The following MSI2 variants were observed in gnomAD, a reference collection of about 807,000 sequenced individuals.
MSI2 encodes the protein musashi RNA binding protein 2.
Under a neutral mutation model 45.6 loss-of-function variants are expected in MSI2, and 17 were observed. The ratio of observed to expected loss-of-function variants is 0.37; its 90% CI spans 0.26 to 0.56. The LOEUF is 0.56. MSI2 is among the 20% of genes least tolerant of loss of function. MSI2 has a pLI of 0.77. For synonymous variants in MSI2, 156 were observed against 158.2 expected (o/e 0.99, Z 0.11); for missense variants, 293 against 444.2 (o/e 0.66, Z 3.06).
At chr17:57,463,110 TATAG>T (rs1180890680) in intron 6 of MSI2, among the ~76,000 whole-genome samples, 6 of 152,148 alleles carry the variant, frequency 3.9e-5, no homozygotes, top group Non-Finnish European at 7.3e-5. Context: ...CTGGGAGGGA[TATAG>T]ATAGATACCT....
intron 3 of MSI2, 108 bp from the exon 4 acceptor site, chr17:57,258,162 C>CA (rs74555284): frequency 0.026 from 22,151 of 850,974 alleles, 554 homozygotes; most frequent in East Asian, 0.1. Context: ...GGTGGGGGTG[C>CA]GTGGGGGGCA....
chr17:57,262,115 C>T, intron 4 of MSI2, 36 bp from the exon 5 acceptor site: 1 of 1,611,434 alleles, frequency 6.2e-7, no homozygotes, highest in East Asian at 2.2e-5. Flanking sequence ...CCTTAAAGTA[C>T]TTTATTGACT....
At chr17:57,667,522 G>A (rs565926826) in intron 11 of MSI2, among the ~76,000 whole-genome samples, 1 of 152,292 alleles carries the variant, frequency 6.6e-6, no homozygotes, top group African/African-American at 2.4e-5. Context: ...CCAGGCAGGA[G>A]TGATATCCAG....
chr17:57,621,774 G>A (rs755224266), intron 9 of MSI2, among the ~76,000 whole-genome samples: 3 of 152,188 alleles, frequency 2.0e-5, no homozygotes, highest in African/African-American at 7.2e-5. Flanking sequence ...CTTTTACAGC[G>A]TTTGACAGAA....
chr17:57,273,418 T>C (rs1410972394), intron 5 of MSI2, among the ~76,000 whole-genome samples: 2 of 152,036 alleles, frequency 1.3e-5, no homozygotes, highest in East Asian at 3.9e-4. Flanking sequence ...CAGTACACGA[T>C]GTTCAGGTTA....
At chr17:57,551,526 G>T in intron 7 of MSI2, among the ~76,000 whole-genome samples, 1 of 152,164 alleles carries the variant, frequency 6.6e-6, no homozygotes, top group Non-Finnish European at 1.5e-5. Context: ...GAAATCAGGT[G>T]CCTGATGTGT....
At chr17:57,571,582 C>T (rs962136810) in intron 7 of MSI2, among the ~76,000 whole-genome samples, 7 of 152,150 alleles carry the variant, frequency 4.6e-5, no homozygotes, top group African/African-American at 9.7e-5. Flanking sequence ...GTGTGGTCAA[C>T]GACAAGGGTC....
At chr17:57,299,495 A>C (rs1183407771) in intron 5 of MSI2, among the ~76,000 whole-genome samples, 1 of 152,200 alleles carries the variant, frequency 6.6e-6, no homozygotes, top group East Asian at 1.9e-4. Context: ...GGCTAATTTC[A>C]GTATTGTGTC....
chr17:57,669,823 C>T (rs1435226602), intron 11 of MSI2, among the ~76,000 whole-genome samples: 5 of 152,202 alleles, frequency 3.3e-5, no homozygotes, highest in Non-Finnish European at 5.9e-5. Flanking sequence ...TTGCATTTGC[C>T]TCCCCGAGCC....
intron 5 of MSI2, among the ~76,000 whole-genome samples, chr17:57,331,547 C>T (rs941114163): frequency 1.3e-5 from 2 of 152,240 alleles, no homozygotes; most frequent in Non-Finnish European, 2.9e-5. Context: ...TGTTTTCCTT[C>T]TGCCCCTCCT....
At chr17:57,324,484 A>T (rs2043608573) in intron 5 of MSI2, among the ~76,000 whole-genome samples, 1 of 151,074 alleles carries the variant, frequency 6.6e-6, no homozygotes, top group Non-Finnish European at 1.5e-5. Flanking sequence ...AGGAGCCAGC[A>T]GGTAAGATGG....
At chr17:57,271,892 T>C (rs1440373629) in intron 5 of MSI2, among the ~76,000 whole-genome samples, 5 of 152,050 alleles carry the variant, frequency 3.3e-5, no homozygotes, top group Non-Finnish European at 1.5e-5. Context: ...TAAAAGTTTT[T>C]TTCTTTTCTG....
intron 6 of MSI2, among the ~76,000 whole-genome samples, chr17:57,519,837 C>T (rs1036240355): frequency 1.3e-5 from 2 of 152,104 alleles, no homozygotes; most frequent in African/African-American, 4.8e-5. Context: ...CATTTACTTA[C>T]CTGTGTGATC....
intron 5 of MSI2, among the ~76,000 whole-genome samples, chr17:57,303,432 G>A (rs1330187406): frequency 6.6e-6 from 1 of 152,194 alleles, no homozygotes; most frequent in Non-Finnish European, 1.5e-5. Flanking sequence ...GAAACGCAGT[G>A]TGAAGGGGGA....
At chr17:57,266,815 C>T (rs1011045584) in intron 5 of MSI2, 1 of 152,212 alleles carries the variant, frequency 6.6e-6, no homozygotes, top group Admixed American at 6.5e-5. Flanking sequence ...CTTTTTTCAC[C>T]GTGGAGGTAG....
intron 6 of MSI2, among the ~76,000 whole-genome samples, chr17:57,482,254 AGTGTCTTGCCT>A (rs1160704897): frequency 6.6e-6 from 1 of 152,138 alleles, no homozygotes; most frequent in African/African-American, 2.4e-5. Context: ...ATTGTCTTGG[AGTGTCTTGCCT>A]GTCTCCCGAG....
rs542434502 is a variant in MSI2, at chr17:57,658,823, G to T, written c.790+6662G>T. Among the ~76,000 whole-genome samples, 3 of 152,280 alleles carry T rather than the reference G, an allele frequency of 2.0e-5. No individual in the cohort carries two copies. The East Asian group carries it at 5.8e-4, about 29-fold the overall frequency. On this transcript the variant is annotated intron_variant, in intron 11 of 13. Transcript: ENST00000284073. ...TCAGGAGCTCAGGCCCAGCTGTCTG[G>T]AGCAGGGGTGGAAAGTGTGGTGGTG...
chr17:57,556,730 T>G (rs1303636500), intron 7 of MSI2, among the ~76,000 whole-genome samples: 1 of 152,218 alleles, frequency 6.6e-6, no homozygotes, highest in Non-Finnish European at 1.5e-5. Flanking sequence ...GGGTCACACC[T>G]GATGTTCAGA....
chr17:57,291,501 A>G (rs1910413484), intron 5 of MSI2, among the ~76,000 whole-genome samples: 1 of 152,228 alleles, frequency 6.6e-6, no homozygotes, highest in Non-Finnish European at 1.5e-5. Flanking sequence ...GTAATTAAGC[A>G]GCGAGGCTTT....
Sources: allele counts gnomAD v4.1 joint callset (sites outside exome capture counted in the v4.1 genomes callset), GRCh38; gene constraint gnomAD v4.1.1; transcripts MANE v1.5; gene names NCBI Gene and HGNC (gene_info 2026-07-23, HGNC 2026-07-21).